The following PHC3 variants were observed in gnomAD, a reference collection of about 807,000 sequenced individuals.
PHC3 encodes polyhomeotic homolog 3, also known as polyhomeotic-like protein 3.
In PHC3, 13 loss-of-function variants were observed where a neutral mutation model predicts 107.4. That is an observed-to-expected ratio of 0.12 (90% CI 0.08 to 0.19). PHC3 has a LOEUF of 0.19. PHC3 is among the 10% of genes least tolerant of loss of function. PHC3 has a pLI of 1.00. For missense variants in PHC3, 992 were observed against 1,210.9 expected, an observed-to-expected ratio of 0.82 and a Z score of 2.68; for synonymous variants, 456 against 427.4, an observed-to-expected ratio of 1.07 and a Z score of -0.83.
In PHC3 at chr3:170,088,002, AT is replaced by A. The variant is rs1294385358; in HGVS notation, c.*9227del. 6.6e-6 allele frequency: 1 copy of A among 152,108 alleles called. No individual in the cohort carries two copies. The highest frequency in any genetic ancestry group is 1.5e-5 in the Non-Finnish European group (1 of 68,010). The allele number at this position is 152,108 out of a possible 1,614,324, so 9.4% of individuals were successfully genotyped here. A position where few individuals can be genotyped will look rare whatever the true frequency, so the allele number is the denominator to read the frequency against. On this transcript the variant is annotated 3_prime_UTR_variant, in exon 15 of 15. Coordinates refer to ENST00000495893, the MANE Select transcript of PHC3 (RefSeq NM_024947.4). ...CTCTTACAATGCAAAATTAACCTTC[AT>A]TTTCAGGTTATACATTTTAAAACTG...
At chr3:170,103,048 A>T in intron 12 of PHC3, 114 bp from the exon 13 acceptor site, 3 of 1,055,800 alleles carry the variant, frequency 2.8e-6, no homozygotes, top group Non-Finnish European at 4.1e-6. Flanking sequence ...ATACATCATT[A>T]ATGAATGTAA....
chr3:170,129,651 T>C lies in PHC3; in HGVS notation c.920-99A>G, dbSNP rs1005510359. The stretch of plus-strand genomic sequence containing the variant: ...AGTGTTCATTATCAGAAGGTCATAA[T>C]CATCAGAATTCTATTACAAGTTTTC... On this transcript the variant is annotated intron_variant, in intron 7 of 14. Transcript: ENST00000495893. 33 of 1,189,034 alleles carry C rather than the reference T, an allele frequency of 2.8e-5. No homozygotes were observed. In the South Asian group the frequency reaches 4.5e-4, roughly 16 times the overall value. The allele number at this position is 1,189,034 out of a possible 1,614,324, so 73.7% of individuals were successfully genotyped here.
intron 5 of PHC3, chr3:170,148,639 G>A (rs756080333): frequency 1.3e-5 from 2 of 153,232 alleles, no homozygotes; most frequent in Non-Finnish European, 2.9e-5. Flanking sequence ...AAAATCCTAG[G>A]ATACAAATTA....
At chr3:170,124,210 A>C (rs1720902064) in intron 8 of PHC3, among the ~76,000 whole-genome samples, 1 of 152,136 alleles carries the variant, frequency 6.6e-6, no homozygotes, top group Non-Finnish European at 1.5e-5. Context: ...TGGGTATTTT[A>C]ATTTAATTTG....
intron 4 of PHC3, among the ~76,000 whole-genome samples, chr3:170,163,562 C>T (rs11915943): frequency 0.46 from 69,446 of 151,008 alleles, 16,229 homozygotes; most frequent in East Asian, 0.69. Flanking sequence ...TTTACATTTA[C>T]GTATAGAAAT....
chr3:170,125,852 A>G (rs1392504738), intron 8 of PHC3: 1 of 286,856 alleles, frequency 3.5e-6, no homozygotes, highest in East Asian at 1.7e-4. Context: ...TGAAAAAAGC[A>G]AAGTGGAGGT....
intron 6 of PHC3, among the ~76,000 whole-genome samples, chr3:170,139,751 C>T (rs1050810861): frequency 1.3e-5 from 2 of 152,076 alleles, no homozygotes; most frequent in African/African-American, 4.8e-5. Flanking sequence ...CAAACATGAA[C>T]GCTACACTGC....
At chr3:170,110,451 G>C (rs895648921) in intron 11 of PHC3, among the ~76,000 whole-genome samples, 1 of 151,994 alleles carries the variant, frequency 6.6e-6, no homozygotes, top group African/African-American at 2.4e-5. Context: ...AAATGTTCTC[G>C]CTGTTTATCC....
At position 170,096,016 on chromosome 3, in the gene PHC3, C is replaced by G. The variant is rs1714599243; in HGVS notation, c.*1214G>C. On this transcript the variant is annotated 3_prime_UTR_variant, in exon 15 of 15. Transcript: ENST00000495893. ...CCAAAGAGCAACCACGTATCTGCTA[C>G]AAACTATTTTCTTGCCAGAAAAGGC... The G allele has an allele frequency of 1.3e-5, 2 of 152,162 alleles. No homozygotes were observed. Among genetic ancestry groups the G allele is most frequent in the South Asian group, 4.1e-4 (2 of 4,830 alleles). 9.4% of individuals were successfully genotyped at this position (152,162 alleles called of 1,614,324 possible). A position where few individuals can be genotyped will look rare whatever the true frequency, so the allele number is the denominator to read the frequency against.
At position 170,136,883 on chromosome 3, in the gene PHC3, T is replaced by A. The variant is rs34124911; in HGVS notation, c.673-218A>T. ...TTAAGTGGCAATTTTTTAAAAGACA[T>A]AAGAGAAAAGAAAAGAGGGAGGGAG... On this transcript the variant is annotated intron_variant, in intron 6 of 14. Transcript: ENST00000495893. 6.5e-5 allele frequency among the ~76,000 whole-genome samples: 9 copies of A among 137,410 alleles called. No individual in the cohort carries two copies. Among genetic ancestry groups the A allele is most frequent in the South Asian group, 2.3e-4 (1 of 4,346 alleles). 90.1% of individuals were successfully genotyped at this position (137,410 alleles called of 152,430 possible).
intron 6 of PHC3, among the ~76,000 whole-genome samples, chr3:170,144,341 C>CA (rs111991992): frequency 0.016 from 1,919 of 119,500 alleles, 37 homozygotes; most frequent in African/African-American, 0.052. Flanking sequence ...AACTCTGTCT[C>CA]AAAAAAAAAA....
intron 9 of PHC3, 38 bp from the exon 10 acceptor site, chr3:170,117,514 T>C: frequency 6.4e-7 from 1 of 1,573,616 alleles, no homozygotes; most frequent in Non-Finnish European, 8.6e-7. Flanking sequence ...AAAATTTTTT[T>C]AGCATTTTGC....
At chr3:170,172,470 C>G (rs554899575) in intron 3 of PHC3, 87 bp downstream of exon 3, 7 of 1,437,312 alleles carry the variant, frequency 4.9e-6, no homozygotes, top group Non-Finnish European at 4.7e-6. Context: ...TCTGAGAACT[C>G]TGAAATAATA....
chr3:170,122,650 G>A lies in PHC3; in HGVS notation c.1883C>T (p.Ser628Phe). The A allele has an allele frequency of 1.2e-6, 2 of 1,613,972 alleles. No individual in the cohort carries two copies. Among genetic ancestry groups the A allele is most frequent in the Non-Finnish European group, 1.7e-6 (2 of 1,179,876 alleles). The change falls in exon 9 of 15, where the codon TCT becomes TTT. Residue 628 changes from serine to phenylalanine, a missense_variant. Ser to Phe is a radical substitution (Grantham distance 155). Around this residue, in one of 6 missense-constraint regions of PHC3, gnomAD observed 543 missense variants for 590.8 expected, o/e 0.92. Coordinates refer to ENST00000495893, the MANE Select transcript of PHC3 (RefSeq NM_024947.4). Reference sequence around the variant, plus strand: ...TCTCCCCACTGTTATAGCTGCTGGAGACAAAGTGGGTGGTGGTGGGGTTCT... The same window carrying A: ...TCTCCCCACTGTTATAGCTGCTGGAAACAAAGTGGGTGGTGGTGGGGTTCT... Reference protein sequence around the residue: ...MDRTPPPPTLSPAAITVGRGE... With the variant: ...MDRTPPPPTLFPAAITVGRGE...
In PHC3 at chr3:170,117,238, C is replaced by T. The variant is rs1465696672; in HGVS notation, c.2181G>A (p.Leu727=). The T allele has an allele frequency of 1.2e-6, 2 of 1,613,916 alleles. No homozygotes were observed. Among genetic ancestry groups the T allele is most frequent in the Non-Finnish European group, 8.5e-7 (1 of 1,179,856 alleles). Residue 727 remains leucine, a synonymous_variant, in exon 10 of 15, where the codon TTG becomes TTA. Coordinates refer to ENST00000495893, the MANE Select transcript of PHC3 (RefSeq NM_024947.4). ...VIEGFVIQEG[L]EPFPVSRSSL... ...GCTTGCTACTTACAGGAAATGGCTC[C>T]AATCCCTCCTGAATCACAAAGCCTT...
chr3:170,117,578 G>T, intron 9 of PHC3, 102 bp from the exon 10 acceptor site: 4 of 1,210,468 alleles, frequency 3.3e-6, no homozygotes, highest in East Asian at 5.1e-5. Context: ...TTAATATCTG[G>T]TACTTTCAAA....
chr3:170,088,076 A>T lies in PHC3; in HGVS notation c.*9154T>A, dbSNP rs1434643707. On this transcript the variant is annotated 3_prime_UTR_variant, in exon 15 of 15. Transcript: ENST00000495893. ...AACTCTAATGCTAAGAGTGCTAAAAACTATTTCATTTCTTGTAAGGAGGAC... is the reference window on the plus strand; with the variant it reads ...AACTCTAATGCTAAGAGTGCTAAAATCTATTTCATTTCTTGTAAGGAGGAC... 6.6e-6 allele frequency: 1 copy of T among 152,192 alleles called. No homozygotes were observed. Among genetic ancestry groups the T allele is most frequent in the Non-Finnish European group, 1.5e-5 (1 of 68,020 alleles). 9.4% of individuals were successfully genotyped at this position (152,192 alleles called of 1,614,324 possible).
intron 4 of PHC3, among the ~76,000 whole-genome samples, chr3:170,150,455 G>A (rs1212200496): frequency 2.6e-5 from 4 of 151,222 alleles, no homozygotes; most frequent in Admixed American, 6.6e-5. Context: ...CAGCACTTTG[G>A]GAGGCCGAGG....
rs1158713227 is a variant in PHC3, at chr3:170,092,760, T to G, written c.*4470A>C. On this transcript the variant is annotated 3_prime_UTR_variant, in exon 15 of 15. Coordinates refer to ENST00000495893, the MANE Select transcript of PHC3 (RefSeq NM_024947.4). ...AATATTCTCCAACTGTAATAAAAGG[T>G]TCTCACCTTTTTCAGAAATCAAAAA... 6.6e-6 allele frequency: 1 copy of G among 152,118 alleles called. No homozygotes were observed. Among genetic ancestry groups the G allele is most frequent in the Non-Finnish European group, 1.5e-5 (1 of 68,006 alleles). The allele number at this position is 152,118 out of a possible 1,614,324, so 9.4% of individuals were successfully genotyped here.
Sources: gnomAD v4.1 joint callset for allele counts (sites outside exome capture counted in the v4.1 genomes callset) on GRCh38, gnomAD v4.1.1 for gene constraint, gnomAD v4.1.1 regional missense constraint, MANE v1.5 for transcripts, NCBI Gene and HGNC (gene_info 2026-07-23, HGNC 2026-07-21) for gene names.